Variants in ADNP observed in about 807,000 individuals in gnomAD.
ADNP encodes activity-dependent neuroprotector homeobox protein.
A neutral mutation model predicts 84.9 loss-of-function variants in ADNP; 4 were observed. The ratio of observed to expected loss-of-function variants is 0.05; its 90% CI spans 0.02 to 0.11. ADNP has a LOEUF of 0.11. Among genes scored for constraint, ADNP ranks in the 10% least tolerant of loss-of-function variants. The pLI, the probability that ADNP is intolerant of heterozygous loss-of-function variation, is 1.00. For missense variants in ADNP, 1,132 were observed against 1,326.0 expected (o/e 0.85, Z 2.27); for synonymous variants, 554 against 468.1 (o/e 1.18, Z -2.37).
At chr20:50,912,826 T>TA (rs1235532969) in intron 2 of ADNP, among the ~76,000 whole-genome samples, 3 of 151,938 alleles carry the variant, frequency 2.0e-5, no homozygotes, top group Admixed American at 1.3e-4. Context: ...CTGTGATTTT[T>TA]AAAAAAACAT....
intron 5 of ADNP, among the ~76,000 whole-genome samples, chr20:50,896,102 G>A (rs1413000981): frequency 1.3e-5 from 2 of 151,864 alleles, no homozygotes; most frequent in African/African-American, 4.8e-5. Flanking sequence ...GCAGGCACCT[G>A]TAATCCCAGC....
At chr20:50,906,963 GTTTTTTTTTTTTGT>G (rs1379418822) in intron 2 of ADNP, among the ~76,000 whole-genome samples, 4 of 119,222 alleles carry the variant, frequency 3.4e-5, no homozygotes, top group East Asian at 2.6e-4. Context: ...CAGGGTTCCA[GTTTTTTTTTTTTGT>G]TTTTTTTTTT....
At chr20:50,921,968 G>C (rs538597872) in intron 2 of ADNP, among the ~76,000 whole-genome samples, 34 of 152,306 alleles carry the variant, frequency 2.2e-4, no homozygotes, top group African/African-American at 7.9e-4. Context: ...ACAGCATAAA[G>C]AGTGATTCTA....
rs561775668 is a variant in ADNP at position 50,899,448 on chromosome 20, C to T, written c.201+2569G>A. On this transcript the variant is annotated intron_variant, in intron 5 of 5. Coordinates refer to ENST00000621696, the MANE Select transcript of ADNP (RefSeq NM_001282531.3). Reference sequence around the variant, plus strand: ...CTGGTCTCGAACTCCTGACCTCAGGCGATCCACCTGCCTCGGCCTCCCAAA... The same window carrying T: ...CTGGTCTCGAACTCCTGACCTCAGGTGATCCACCTGCCTCGGCCTCCCAAA... 5.3e-5 allele frequency among the ~76,000 whole-genome samples: 8 copies of T among 152,182 alleles called. No homozygotes were observed. The South Asian group carries it at 1.2e-3, about 24-fold the overall frequency.
intron 2 of ADNP, among the ~76,000 whole-genome samples, chr20:50,910,840 T>C (rs908844928): frequency 1.3e-5 from 2 of 152,084 alleles, no homozygotes; most frequent in African/African-American, 2.4e-5. Flanking sequence ...AAAAATTTAA[T>C]AGGGGTCCTC....
chr20:50,918,244 T>C (rs1983663671), intron 2 of ADNP, among the ~76,000 whole-genome samples: 1 of 152,176 alleles, frequency 6.6e-6, no homozygotes, highest in Non-Finnish European at 1.5e-5. Flanking sequence ...GCTTATAATT[T>C]CAACAGCAGG....
intron 2 of ADNP, among the ~76,000 whole-genome samples, chr20:50,922,738 C>T (rs1984040940): frequency 6.6e-6 from 1 of 152,150 alleles, no homozygotes; most frequent in Admixed American, 6.5e-5. Context: ...CACCACTAAA[C>T]CCAGCTAATT....
At position 50,892,759 on chromosome 20, in the gene ADNP, G is replaced by A. The variant is rs1439145693; in HGVS notation, c.1955C>T (p.Thr652Met). 2 of 1,614,222 alleles carry A rather than the reference G, an allele frequency of 1.2e-6. No homozygotes were observed. The highest frequency in any genetic ancestry group is 1.3e-5 in the African/African-American group (1 of 75,056). Residue 652 changes from threonine to methionine, a missense_variant, in exon 6 of 6, where the codon ACG becomes ATG. Physicochemically the swap from Thr to Met is moderately conservative, Grantham distance 81. Around this residue, in one of 10 missense-constraint regions of ADNP, gnomAD observed 39 missense variants for 96.2 expected, o/e 0.41. Coordinates refer to ENST00000621696, the MANE Select transcript of ADNP (RefSeq NM_001282531.3). ...HLRERHQVIQTVHPVEKKLTY... is the reference protein window; with the variant it reads ...HLRERHQVIQMVHPVEKKLTY... ...GAGCTTTTTCTCAACTGGATGAACC[G>A]TCTGAATAACTTGGTGCCTCTCTCG... is the stretch of plus-strand genomic sequence containing the variant.
intron 2 of ADNP, among the ~76,000 whole-genome samples, chr20:50,928,302 G>GA (rs1364107563): frequency 2.0e-5 from 3 of 152,158 alleles, no homozygotes; most frequent in African/African-American, 7.2e-5. Context: ...CAAGTTCATG[G>GA]AAAACCATGT....
intron 2 of ADNP, chr20:50,914,060 A>G: frequency 1.3e-6 from 1 of 744,800 alleles, no homozygotes; most frequent in Non-Finnish European, 2.5e-6. Context: ...CCCCTACATC[A>G]TGCAGCTTCC....
intron 2 of ADNP, among the ~76,000 whole-genome samples, chr20:50,927,743 G>A (rs2426212): frequency 0.16 from 25,051 of 152,078 alleles, 2,786 homozygotes; most frequent in Non-Finnish European, 0.24. Flanking sequence ...TGAAACAGTA[G>A]AATACATGCT....
At chr20:50,922,577 C>CTTTT (rs1984026659) in intron 2 of ADNP, among the ~76,000 whole-genome samples, 1 of 112,786 alleles carries the variant, frequency 8.9e-6, no homozygotes, top group African/African-American at 4.6e-5. Flanking sequence ...AGTCCTCCTG[C>CTTTT]GTTTTTTTTT....
chr20:50,920,516 GT>G (rs1174929575), intron 2 of ADNP, among the ~76,000 whole-genome samples: 1 of 150,266 alleles, frequency 6.7e-6, no homozygotes, highest in Non-Finnish European at 1.5e-5. Flanking sequence ...GGAGGCAGAG[GT>G]TGAGATCGCG....
rs146897449 is a variant in ADNP at position 50,894,075 on chromosome 20, C to T, written c.639G>A (p.Ser213=). ...KSLNGAVPLG[S]NAREESSIHC... ...GAATACTACTCTCTTCTCGGGCATTCGAGCCTAAGGGGACTGCCCCATTGA... is the reference window on the plus strand; with the variant it reads ...GAATACTACTCTCTTCTCGGGCATTTGAGCCTAAGGGGACTGCCCCATTGA... The change falls in exon 6 of 6, where the codon TCG becomes TCA. Residue 213 remains serine, a synonymous_variant. Coordinates refer to ENST00000621696, the MANE Select transcript of ADNP (RefSeq NM_001282531.3). 147 of 1,614,160 alleles carry T rather than the reference C, an allele frequency of 9.1e-5. No homozygotes were observed. Among genetic ancestry groups the T allele is most frequent in the South Asian group, 3.5e-4 (32 of 91,082 alleles).
At chr20:50,902,304 AC>A (rs1411606475) in intron 4 of ADNP, among the ~76,000 whole-genome samples, 195 bp from the exon 5 acceptor site, 3 of 152,144 alleles carry the variant, frequency 2.0e-5, no homozygotes, top group Admixed American at 1.3e-4. Context: ...TTTTATATCA[AC>A]CAACCACTTT....
chr20:50,902,086 A>C lies in ADNP; in HGVS notation c.132T>G (p.Asn44Lys). 6.2e-7 allele frequency: 1 copy of C among 1,613,150 alleles called. No homozygotes were observed. The highest frequency in any genetic ancestry group is 1.1e-5 in the South Asian group (1 of 91,074). ...HIEDFKQFEP[N>K]DFYLKNTTWE... is the part of the protein sequence containing the mutation. ...ATGTAGTGTTTTTCAAATAAAAGTCATTAGGTTCAAATTGTTTAAAATCCT... is the reference window on the plus strand; with the variant it reads ...ATGTAGTGTTTTTCAAATAAAAGTCCTTAGGTTCAAATTGTTTAAAATCCT... Residue 44 changes from asparagine (N) to lysine (K), a missense_variant, in exon 5 of 6, where the codon AAT becomes AAG. Physicochemically the swap from Asn to Lys is moderately conservative, Grantham distance 94 (BLOSUM62 0). Transcript: ENST00000621696.
chr20:50,890,034 A>ATTTT lies in ADNP; in HGVS notation c.*1367_*1370dup, dbSNP rs11299078. 3.0e-5 allele frequency: 10 copies of ATTTT among 337,974 alleles called. No individual in the cohort carries two copies. Among genetic ancestry groups the ATTTT allele is most frequent in the African/African-American group, 2.0e-4 (9 of 45,958 alleles). 20.9% of individuals were successfully genotyped at this position (337,974 alleles called of 1,614,324 possible). Reference sequence around the variant, plus strand: ...CAAATTAATGCCAATCCATGTTTACATTTTTTTTTTTATCATTGAGACATT... The same window carrying ATTTT: ...CAAATTAATGCCAATCCATGTTTACATTTTTTTTTTTTTTTATCATTGAGACATT... On this transcript the variant is annotated 3_prime_UTR_variant, in exon 6 of 6. Coordinates refer to ENST00000621696, the MANE Select transcript of ADNP (RefSeq NM_001282531.3).
chr20:50,890,151 A>ACC lies in ADNP; in HGVS notation c.*1253_*1254insGG, dbSNP rs1568698384. 1 of 263,126 alleles carries ACC rather than the reference A, an allele frequency of 3.8e-6. No individual in the cohort carries two copies. The highest frequency in any genetic ancestry group is 2.4e-5 in the African/African-American group (1 of 41,448). The allele number at this position is 263,126 out of a possible 1,614,324, so 16.3% of individuals were successfully genotyped here. A position where few individuals can be genotyped will look rare whatever the true frequency, so the allele number is the denominator to read the frequency against. On this transcript the variant is annotated 3_prime_UTR_variant, in exon 6 of 6. Coordinates refer to ENST00000621696, the MANE Select transcript of ADNP (RefSeq NM_001282531.3). ...TCAGTTAAAAAAAAAAAAAAAAAAA[A>ACC]AAAAAAAAAAGAAAAACAGATTTTG...
chr20:50,924,003 A>G (rs1984131840), intron 2 of ADNP, among the ~76,000 whole-genome samples: 1 of 152,228 alleles, frequency 6.6e-6, no homozygotes. Flanking sequence ...AGTTTCTCAA[A>G]AGAGACCACT....
Sources: gnomAD v4.1 joint callset for allele counts (sites outside exome capture counted in the v4.1 genomes callset) on GRCh38, gnomAD v4.1.1 for gene constraint, gnomAD v4.1.1 regional missense constraint, MANE v1.5 for transcripts, NCBI Gene and HGNC (gene_info 2026-07-23, HGNC 2026-07-21) for gene names.